NEDD4L: variants seen among roughly 807,000 people sequenced by gnomAD.
The protein encoded by NEDD4L is NEDD4 like E3 ubiquitin protein ligase, also known as E3 ubiquitin-protein ligase NEDD4-like.
A neutral mutation model predicts 148.9 loss-of-function variants in NEDD4L; 54 were observed. The ratio of observed to expected loss-of-function variants is 0.36; its 90% CI spans 0.29 to 0.45. The LOEUF (loss-of-function observed/expected upper bound fraction) is 0.45, where lower values mean the gene tolerates loss of function less well. Among genes scored for constraint, NEDD4L ranks in the 20% least tolerant of loss-of-function variants. The pLI, the probability that NEDD4L is intolerant of heterozygous loss-of-function variation, is 1.00. For synonymous variants in NEDD4L, 433 were observed against 440.7 expected, an observed-to-expected ratio of 0.98 and a Z score of 0.22; for missense variants, 856 against 1,233.8, an observed-to-expected ratio of 0.69 and a Z score of 4.59.
chr18:58,214,644 T>TGTG (rs1555740026), intron 2 of NEDD4L, among the ~76,000 whole-genome samples: 4 of 145,050 alleles, frequency 2.8e-5, no homozygotes, highest in Non-Finnish European at 4.6e-5. Flanking sequence ...TGTGTGTGTG[T>TGTG]TTTGTTGTTG....
rs142095581 is a variant in NEDD4L at position 58,251,690 on chromosome 18, T to C, written c.244-311T>C. Reference sequence around the variant, plus strand: ...GGCATAGACATTTTTTGATCTACAGTCATGAGAATGCCTTGTACAGAGGTT... The same window carrying C: ...GGCATAGACATTTTTTGATCTACAGCCATGAGAATGCCTTGTACAGAGGTT... On this transcript the variant is annotated intron_variant, in intron 4 of 30. Coordinates refer to ENST00000400345, the MANE Select transcript of NEDD4L (RefSeq NM_001144967.3). 2.6e-5 allele frequency among the ~76,000 whole-genome samples: 4 copies of C among 152,338 alleles called. No individual in the cohort carries two copies. In the East Asian group the frequency reaches 5.8e-4, roughly 22 times the overall value.
intron 1 of NEDD4L, among the ~76,000 whole-genome samples, chr18:58,163,647 G>A (rs141930036): frequency 1.1e-3 from 171 of 152,340 alleles, no homozygotes; most frequent in Non-Finnish European, 2.0e-3. Flanking sequence ...TGGCACAAAC[G>A]AGTTGCGAAC....
intron 2 of NEDD4L, among the ~76,000 whole-genome samples, chr18:58,238,217 A>T (rs959407374): frequency 5.3e-5 from 8 of 152,190 alleles, no homozygotes; most frequent in African/African-American, 1.4e-4. Flanking sequence ...CTTTCAGTAA[A>T]TCTTGGGCTG....
In NEDD4L at chr18:58,256,215, T is replaced by A. The variant is rs1467440630; in HGVS notation, c.297+4161T>A. The A allele has an allele frequency of 3.3e-6, 4 of 1,223,164 alleles. No individual in the cohort carries two copies. The highest frequency in any genetic ancestry group is 4.1e-6 in the Non-Finnish European group (4 of 982,580). The allele number at this position is 1,223,164 out of a possible 1,614,324, so 75.8% of individuals were successfully genotyped here. ...GAGGAGGCTGCCCCGGGCCTGCGCATCCAGCACCGCGCCTCCAGCGCCGAC... is the reference window on the plus strand; with the variant it reads ...GAGGAGGCTGCCCCGGGCCTGCGCAACCAGCACCGCGCCTCCAGCGCCGAC... On this transcript the variant is annotated intron_variant, in intron 5 of 30. Transcript: ENST00000400345. The surrounding 1 kb of genome is among the most constrained non-coding windows in gnomAD (Gnocchi z 5.2).
At chr18:58,185,981 T>C (rs919546075) in intron 2 of NEDD4L, among the ~76,000 whole-genome samples, 6 of 152,134 alleles carry the variant, frequency 3.9e-5, no homozygotes, top group African/African-American at 9.7e-5. Flanking sequence ...CAGATACATA[T>C]GCACACGTAC....
intron 2 of NEDD4L, among the ~76,000 whole-genome samples, chr18:58,211,708 A>G (rs1178991838): frequency 6.6e-6 from 1 of 152,266 alleles, no homozygotes; most frequent in African/African-American, 2.4e-5. Flanking sequence ...CGGTGAGGGC[A>G]GATTTGGCTT....
intron 1 of NEDD4L, among the ~76,000 whole-genome samples, chr18:58,126,079 G>A (rs369612953): frequency 3.9e-5 from 6 of 152,220 alleles, no homozygotes; most frequent in African/African-American, 1.2e-4. Context: ...GAAGGGGACC[G>A]TTGCTCCGAG....
Position 58,357,087 on chromosome 18 carries a change from G to A in NEDD4L, c.1709-107G>A, listed in dbSNP as rs140423698. 1.4e-4 allele frequency: 138 copies of A among 1,009,006 alleles called. 1 individual carries two copies. In the East Asian group the frequency reaches 3.5e-3, roughly 25 times the overall value. The allele number at this position is 1,009,006 out of a possible 1,614,324, so 62.5% of individuals were successfully genotyped here. ...TCTTTAGAACACAGGGTGGGGGACT[G>A]GACAGCTTTTGAAGAATCCAGAAAT... On this transcript the variant is annotated intron_variant, in intron 18 of 30. Transcript: ENST00000400345.
At chr18:58,274,592 A>G (rs1441289288) in intron 5 of NEDD4L, among the ~76,000 whole-genome samples, 1 of 152,236 alleles carries the variant, frequency 6.6e-6, no homozygotes, top group Non-Finnish European at 1.5e-5. Context: ...CTTGAAGAAC[A>G]GAAGATTTGT....
At chr18:58,388,474 C>G (rs188151350) in intron 27 of NEDD4L, 26 of 152,394 alleles carry the variant, frequency 1.7e-4, no homozygotes, top group African/African-American at 6.3e-4. Context: ...ATTCTGGTAC[C>G]TTTGCATAAA....
At chr18:58,177,297 CA>C (rs1187853064) in intron 2 of NEDD4L, among the ~76,000 whole-genome samples, 8 of 151,912 alleles carry the variant, frequency 5.3e-5, no homozygotes, top group African/African-American at 1.9e-4. Flanking sequence ...GTAAGAAGCT[CA>C]AGTATGAGGA....
At chr18:58,307,645 A>G (rs2057221264) in intron 5 of NEDD4L, among the ~76,000 whole-genome samples, 1 of 152,172 alleles carries the variant, frequency 6.6e-6, no homozygotes, top group Non-Finnish European at 1.5e-5. Context: ...GACATTCTAC[A>G]TATCCCAACT....
chr18:58,144,978 G>T (rs1397404837), intron 1 of NEDD4L, among the ~76,000 whole-genome samples: 1 of 152,216 alleles, frequency 6.6e-6, no homozygotes, highest in Non-Finnish European at 1.5e-5. Flanking sequence ...AGAACAAGTT[G>T]GGGCGACCCT....
At chr18:58,063,949 CTTTTTTTTT>C (rs58608106) in intron 1 of NEDD4L, among the ~76,000 whole-genome samples, 172 of 129,728 alleles carry the variant, frequency 1.3e-3, no homozygotes, top group Non-Finnish European at 2.0e-3. Context: ...TATAATGTTT[CTTTTTTTTT>C]TTTTTTTTTT....
intron 2 of NEDD4L, among the ~76,000 whole-genome samples, chr18:58,186,950 A>G (rs1218124107): frequency 6.6e-6 from 1 of 152,236 alleles, no homozygotes; most frequent in Non-Finnish European, 1.5e-5. Context: ...TCATTTAATT[A>G]AGAATCTTGG....
intron 1 of NEDD4L, among the ~76,000 whole-genome samples, chr18:58,159,270 CG>C (rs2035900765): frequency 6.6e-6 from 1 of 151,672 alleles, no homozygotes; most frequent in Admixed American, 6.6e-5. Flanking sequence ...GGCAGAGCAC[CG>C]AGGATTTTTA....
rs547801646 is a variant in NEDD4L, at chr18:58,306,250, A to C, written c.298-9732A>C. ...ATATCCCCAGAGCTGTGCATGCTCCAGTTTGAAGAGCTCTGCTTTAAAAGA... is the reference window on the plus strand; with the variant it reads ...ATATCCCCAGAGCTGTGCATGCTCCCGTTTGAAGAGCTCTGCTTTAAAAGA... On this transcript the variant is annotated intron_variant, in intron 5 of 30. Transcript: ENST00000400345. 4.9e-4 allele frequency among the ~76,000 whole-genome samples: 74 copies of C among 151,358 alleles called. 1 individual carries two copies. The South Asian group carries it at 0.014, about 29-fold the overall frequency.
At chr18:58,131,968 T>C (rs1174849564) in intron 1 of NEDD4L, among the ~76,000 whole-genome samples, 1 of 152,200 alleles carries the variant, frequency 6.6e-6, no homozygotes, top group African/African-American at 2.4e-5. Context: ...AAAGGTGAGA[T>C]CAAACATCCA....
chr18:58,063,115 G>A (rs374151978), intron 1 of NEDD4L, among the ~76,000 whole-genome samples: 4 of 130,146 alleles, frequency 3.1e-5, no homozygotes, highest in East Asian at 2.6e-4. Context: ...GCGTTATCAC[G>A]GTTCACTGTA....
Sources: allele counts gnomAD v4.1 joint callset (sites outside exome capture counted in the v4.1 genomes callset), GRCh38; gene constraint gnomAD v4.1.1; non-coding constraint Gnocchi (gnomAD v3.1); transcripts MANE v1.5; gene names NCBI Gene and HGNC (gene_info 2026-07-23, HGNC 2026-07-21).